Variants in CNTNAP2 observed in about 807,000 individuals in gnomAD.
CNTNAP2 encodes contactin-associated protein-like 2.
CNTNAP2 carries 98 observed loss-of-function variants against 155.2 expected under a neutral mutation model. The observed-to-expected ratio is 0.63, with a 90% CI of 0.54 to 0.75. The LOEUF is 0.75. Ranked by LOEUF, CNTNAP2 falls within the 30% of genes least tolerant of loss-of-function variation. The probability of loss-of-function intolerance (pLI) is 0.00; values close to 1 mark genes in which losing one functional copy is unlikely to be tolerated. For synonymous variants in CNTNAP2, 651 were observed against 631.2 expected (o/e 1.03, Z -0.47); for missense variants, 1,727 against 1,688.1 (o/e 1.02, Z -0.40).
At chr7:147,760,925 G>A (rs1345562284) in intron 13 of CNTNAP2, among the ~76,000 whole-genome samples, 1 of 152,092 alleles carries the variant, frequency 6.6e-6, no homozygotes, top group East Asian at 1.9e-4. Context: ...TAAGCCAAAG[G>A]ATCTTTGAAC....
At chr7:147,271,784 T>C (rs1804758958) in intron 8 of CNTNAP2, among the ~76,000 whole-genome samples, 1 of 152,198 alleles carries the variant, frequency 6.6e-6, no homozygotes, top group South Asian at 2.1e-4. Context: ...GGGTGCCTCC[T>C]ATAACACTTG....
chr7:147,826,004 A>G (rs1798444224), intron 13 of CNTNAP2, among the ~76,000 whole-genome samples: 1 of 152,174 alleles, frequency 6.6e-6, no homozygotes, highest in Non-Finnish European at 1.5e-5. Flanking sequence ...AATTAGGGTG[A>G]GAACTTTGAG....
rs369274637 is a variant in CNTNAP2 at position 147,226,514 on chromosome 7, T to G, written c.1349-73627T>G. 2.0e-5 allele frequency among the ~76,000 whole-genome samples: 3 copies of G among 149,428 alleles called. No homozygotes were observed. The East Asian group carries it at 6.3e-4, about 31-fold the overall frequency. ...GGTGGTAGGAGATCAATGAGGAGCA[T>G]TGGGAGCCAAGAAAAGAAGCCAAAA... is the stretch of plus-strand genomic sequence containing the variant. On this transcript the variant is annotated intron_variant, in intron 8 of 23. Transcript: ENST00000361727.
At chr7:146,644,131 T>C (rs1005735411) in intron 1 of CNTNAP2, among the ~76,000 whole-genome samples, 2 of 152,170 alleles carry the variant, frequency 1.3e-5, no homozygotes, top group African/African-American at 4.8e-5. Context: ...ACTTCCTCTT[T>C]TCCTAATTGA....
chr7:147,742,163 C>T (rs1335564343), intron 13 of CNTNAP2, among the ~76,000 whole-genome samples: 2 of 152,156 alleles, frequency 1.3e-5, no homozygotes, highest in Non-Finnish European at 2.9e-5. Flanking sequence ...GGGTCCCTCT[C>T]ACAACACATG....
chr7:146,303,977 A>G (rs1437745196), intron 1 of CNTNAP2, among the ~76,000 whole-genome samples: 1 of 151,976 alleles, frequency 6.6e-6, no homozygotes, highest in African/African-American at 2.4e-5. Flanking sequence ...TATATTTAGG[A>G]TAGTTAGCTC....
At position 147,861,744 on chromosome 7, in the gene CNTNAP2, G is replaced by A. The variant is rs1164871019; in HGVS notation, c.2099-41821G>A. On this transcript the variant is annotated intron_variant, in intron 13 of 23. Coordinates refer to ENST00000361727, the MANE Select transcript of CNTNAP2 (RefSeq NM_014141.6). ...TATAAATTAAGACATTACCAAGTGT[G>A]GTGGCTCATGGCTGTAATCCCAGCA... 3.3e-5 allele frequency among the ~76,000 whole-genome samples: 5 copies of A among 152,198 alleles called. No homozygotes were observed. In the East Asian group the frequency reaches 7.7e-4, roughly 24 times the overall value.
chr7:148,352,746 C>T (rs6464874), intron 21 of CNTNAP2, among the ~76,000 whole-genome samples: 95,758 of 151,966 alleles, frequency 0.63, 30,705 homozygotes, highest in East Asian at 0.95. Flanking sequence ...CAACTTTGGA[C>T]AGTTGCAGAA....
intron 1 of CNTNAP2, among the ~76,000 whole-genome samples, chr7:146,386,672 C>T (rs1795466325): frequency 1.3e-5 from 2 of 152,350 alleles, no homozygotes; most frequent in South Asian, 4.1e-4. Flanking sequence ...AGGCGTGAGC[C>T]ACCGTGCCTG....
At chr7:147,571,143 A>G (rs1800281137) in intron 12 of CNTNAP2, among the ~76,000 whole-genome samples, 1 of 151,914 alleles carries the variant, frequency 6.6e-6, no homozygotes, top group South Asian at 2.1e-4. Flanking sequence ...ATTATACTTT[A>G]AGTTTTAGGG....
intron 4 of CNTNAP2, among the ~76,000 whole-genome samples, chr7:147,066,918 C>A (rs1374535366): frequency 6.6e-6 from 1 of 152,096 alleles, no homozygotes; most frequent in Admixed American, 6.6e-5. Flanking sequence ...GGTGAAGGCC[C>A]TGTACAAGGT....
At chr7:148,189,970 T>C (rs1052299595) in intron 18 of CNTNAP2, 1 of 152,186 alleles carries the variant, frequency 6.6e-6, no homozygotes, top group Non-Finnish European at 1.5e-5. Context: ...ATTTGGAAGA[T>C]TGTGTTTTCC....
rs774418129 is a variant in CNTNAP2 at position 147,395,569 on chromosome 7, T to C, written c.1499-40T>C. ...ACAAGAATTTTAGTGAAGGTTATAC[T>C]GTACACCAGATTTACATTCCCATTT... On this transcript the variant is annotated intron_variant, in intron 9 of 23. Transcript: ENST00000361727. 14 of 1,603,902 alleles carry C rather than the reference T, an allele frequency of 8.7e-6. No homozygotes were observed. The Middle Eastern group carries it at 6.7e-4, about 76-fold the overall frequency.
At chr7:146,526,674 G>A (rs965548003) in intron 1 of CNTNAP2, among the ~76,000 whole-genome samples, 41 of 152,118 alleles carry the variant, frequency 2.7e-4, no homozygotes, top group African/African-American at 9.9e-4. Context: ...CATTCAAACT[G>A]TGTCACCTAC....
intron 13 of CNTNAP2, among the ~76,000 whole-genome samples, chr7:147,666,660 A>T (rs1230234034): frequency 6.6e-6 from 1 of 152,150 alleles, no homozygotes; most frequent in East Asian, 1.9e-4. Flanking sequence ...TGACTGTATC[A>T]TGTTCTTTTG....
intron 21 of CNTNAP2, among the ~76,000 whole-genome samples, chr7:148,317,919 G>C (rs1219412784): frequency 6.6e-6 from 1 of 152,044 alleles, no homozygotes; most frequent in African/African-American, 2.4e-5. Context: ...CTGACCTCGT[G>C]ATCCGCCTAA....
chr7:147,124,444 C>T (rs1801191256), intron 6 of CNTNAP2, among the ~76,000 whole-genome samples: 1 of 152,150 alleles, frequency 6.6e-6, no homozygotes, highest in South Asian at 2.1e-4. Context: ...TGATATATAG[C>T]ATTTGTTAAT....
At chr7:146,332,570 C>T (rs1176135169) in intron 1 of CNTNAP2, among the ~76,000 whole-genome samples, 1 of 152,082 alleles carries the variant, frequency 6.6e-6, no homozygotes, top group East Asian at 1.9e-4. Flanking sequence ...GTCACATATT[C>T]TATTATCTCC....
At chr7:147,888,308 A>C (rs1185824114) in intron 13 of CNTNAP2, among the ~76,000 whole-genome samples, 1 of 152,186 alleles carries the variant, frequency 6.6e-6, no homozygotes, top group African/African-American at 2.4e-5. Context: ...ATAATAGATA[A>C]AATTAAAAGC....
Sources: allele counts gnomAD v4.1 joint callset (sites outside exome capture counted in the v4.1 genomes callset), GRCh38; gene constraint gnomAD v4.1.1; transcripts MANE v1.5; gene names NCBI Gene and HGNC (gene_info 2026-07-23, HGNC 2026-07-21).